SGIP1: variants seen among roughly 807,000 people sequenced by gnomAD.
SGIP1 encodes the protein SH3GL interacting endocytic adaptor 1.
Under a neutral mutation model 107.5 loss-of-function variants are expected in SGIP1, and 38 were observed. The ratio of observed to expected loss-of-function variants is 0.35; its 90% CI spans 0.27 to 0.46. The LOEUF (loss-of-function observed/expected upper bound fraction) is 0.46. Ranked by LOEUF, SGIP1 falls within the 20% of genes least tolerant of loss-of-function variation. SGIP1 has a pLI of 1.00. For missense variants in SGIP1, 929 were observed against 1,019.5 expected (o/e 0.91, Z 1.21); for synonymous variants, 365 against 366.1 (o/e 1.00, Z 0.03).
intron 1 of SGIP1, among the ~76,000 whole-genome samples, chr1:66,591,296 G>T (rs2063577536): frequency 6.6e-6 from 1 of 152,132 alleles, no homozygotes; most frequent in African/African-American, 2.4e-5. Context: ...TCAGATAATT[G>T]TACCTTGTTT....
At position 66,672,742 on chromosome 1, in the gene SGIP1, C is replaced by A. The variant is rs184004312; in HGVS notation, c.561-539C>A. On this transcript the variant is annotated intron_variant, in intron 11 of 24. Coordinates refer to ENST00000371037, the MANE Select transcript of SGIP1 (RefSeq NM_032291.4). ...TCCTGTTCCCCCTGATTTCTCAATA[C>A]TTCTCTTTCTGAGATTTACTATCTT... 6.8e-3 allele frequency among the ~76,000 whole-genome samples: 1,026 copies of A among 151,956 alleles called. 5 individuals are homozygous for A. The highest frequency in any genetic ancestry group is 0.027 in the Middle Eastern group (8 of 294).
chr1:66,643,527 C>T lies in SGIP1; in HGVS notation c.284-17C>T, dbSNP rs1478776928. ...CCCAGTAGAAGAAAGAGTTATGTAT[C>T]TTTAACTGTGTTCTACCTACCAAAG... On this transcript the variant is annotated splice_polypyrimidine_tract_variant and intron_variant, in intron 6 of 24. Transcript: ENST00000371037. The T allele has an allele frequency of 6.3e-7, 1 of 1,597,194 alleles. No homozygotes were observed. The highest frequency in any genetic ancestry group is 8.5e-7 in the Non-Finnish European group (1 of 1,173,566).
intron 19 of SGIP1, among the ~76,000 whole-genome samples, chr1:66,721,797 A>G (rs1450301747): frequency 1.3e-5 from 2 of 152,162 alleles, no homozygotes; most frequent in African/African-American, 2.4e-5. Flanking sequence ...GAATGAATTC[A>G]TCTTTGTCTG....
At chr1:66,643,819 C>G in intron 7 of SGIP1, 100 bp downstream of exon 7, 3 of 1,055,994 alleles carry the variant, frequency 2.8e-6, no homozygotes, top group South Asian at 2.2e-5. Flanking sequence ...TAAATTGAAG[C>G]CTGCATATGG....
chr1:66,741,174 A>T, intron 23 of SGIP1, 98 bp from the exon 24 acceptor site: 1 of 1,258,664 alleles, frequency 7.9e-7, no homozygotes, highest in Non-Finnish European at 1.1e-6. Context: ...TCAAAGAATC[A>T]TGTCTGATTT....
intron 1 of SGIP1, among the ~76,000 whole-genome samples, chr1:66,599,102 T>G (rs917201062): frequency 1.3e-5 from 2 of 152,236 alleles, no homozygotes; most frequent in African/African-American, 4.8e-5. Context: ...GTTATTTTTC[T>G]TTCAATTTAT....
rs1458642835 is a variant in SGIP1, at chr1:66,614,912, C to T, written c.11-10935C>T. On this transcript the variant is annotated intron_variant, in intron 1 of 24. Coordinates refer to ENST00000371037, the MANE Select transcript of SGIP1 (RefSeq NM_032291.4). ...TCAGCTCACCACAACCTCCGGCTCC[C>T]GGGTTCAAGTGATTCTCCTGCCTCA... Among the ~76,000 whole-genome samples the T allele has an allele frequency of 2.0e-5, 3 of 148,520 alleles. No homozygotes were observed. The South Asian group carries it at 6.5e-4, about 32-fold the overall frequency.
chr1:66,664,309 G>T (rs956057366), intron 8 of SGIP1, among the ~76,000 whole-genome samples: 10 of 152,052 alleles, frequency 6.6e-5, no homozygotes, highest in African/African-American at 2.2e-4. Flanking sequence ...GGATTCAATA[G>T]GTAGCAGTAT....
rs1477899813 is a variant in SGIP1 at position 66,589,216 on chromosome 1, A to ATGTGTGTGTGTGTGTGTGTGTGTGTG, written c.11-36628_11-36627insGTGTGTGTGTGTGTGTGTGTGTGTGT. ...TATATATATATATATATATATATAT[A>ATGTGTGTGTGTGTGTGTGTGTGTGTG]TGTAAGGCTTGGGGTAAAGAGAAGG... On this transcript the variant is annotated intron_variant, in intron 1 of 24. Coordinates refer to ENST00000371037, the MANE Select transcript of SGIP1 (RefSeq NM_032291.4). Among the ~76,000 whole-genome samples the ATGTGTGTGTGTGTGTGTGTGTGTGTG allele has an allele frequency of 2.5e-4, 24 of 96,402 alleles. 1 individual carries two copies. The highest frequency in any genetic ancestry group is 3.2e-4 in the Non-Finnish European group (15 of 47,382). 63.2% of individuals were successfully genotyped at this position (96,402 alleles called of 152,430 possible).
rs1050294576 is a variant in SGIP1, at chr1:66,740,530, T to G, written c.2235-128T>G. On this transcript the variant is annotated intron_variant, in intron 22 of 24. Transcript: ENST00000371037. ...GGAGGGGAGAGAGAGAGACAGGGAA[T>G]TTTTAAATTGTAGTGAAAGTTTTCA... The G allele has an allele frequency of 1.6e-5, 11 of 667,842 alleles. No homozygotes were observed. In the African/African-American group the frequency reaches 2.0e-4, roughly 12 times the overall value. The allele number at this position is 667,842 out of a possible 1,614,324, so 41.4% of individuals were successfully genotyped here.
At chr1:66,594,975 T>C (rs1295993471) in intron 1 of SGIP1, among the ~76,000 whole-genome samples, 1 of 152,172 alleles carries the variant, frequency 6.6e-6, no homozygotes, top group East Asian at 1.9e-4. Flanking sequence ...TTCCTGGATG[T>C]GTGTGGAGTC....
intron 18 of SGIP1, among the ~76,000 whole-genome samples, chr1:66,708,045 G>A (rs894364953): frequency 1.3e-5 from 2 of 152,066 alleles, no homozygotes; most frequent in Non-Finnish European, 2.9e-5. Context: ...GCTAGATCTC[G>A]GATCACAACT....
At chr1:66,654,731 G>C (rs898221988) in intron 7 of SGIP1, among the ~76,000 whole-genome samples, 1 of 152,166 alleles carries the variant, frequency 6.6e-6, no homozygotes, top group East Asian at 1.9e-4. Context: ...CAGAATGAAG[G>C]TGATATTTCC....
chr1:66,734,927 C>T (rs1315998), intron 21 of SGIP1, among the ~76,000 whole-genome samples: 150,422 of 152,334 alleles, frequency 0.99, 74,294 homozygotes, highest in Middle Eastern at 1. Flanking sequence ...AACTAACATA[C>T]GTATTACCTC....
At chr1:66,665,600 C>T (rs532792239) in intron 8 of SGIP1, among the ~76,000 whole-genome samples, 3 of 152,250 alleles carry the variant, frequency 2.0e-5, no homozygotes, top group African/African-American at 7.2e-5. Flanking sequence ...AGTGTAAAAA[C>T]ATTCCTATTT....
At chr1:66,731,331 GT>G (rs1309077024) in intron 20 of SGIP1, among the ~76,000 whole-genome samples, 2 of 152,084 alleles carry the variant, frequency 1.3e-5, no homozygotes, top group Admixed American at 6.5e-5. Flanking sequence ...TTGCCAGTTT[GT>G]TTGTAAATAT....
intron 17 of SGIP1, chr1:66,694,574 C>A: frequency 1.6e-6 from 2 of 1,274,244 alleles, no homozygotes; most frequent in South Asian, 3.1e-5. Flanking sequence ...CATCTGAATG[C>A]TATAAACTTC....
intron 18 of SGIP1, among the ~76,000 whole-genome samples, chr1:66,714,361 T>A (rs1333079188): frequency 1.3e-5 from 2 of 152,170 alleles, no homozygotes; most frequent in Non-Finnish European, 2.9e-5. Flanking sequence ...GCTTTACCAC[T>A]CATTTGGTAA....
intron 2 of SGIP1, among the ~76,000 whole-genome samples, chr1:66,626,584 T>C (rs2072850336): frequency 6.6e-6 from 1 of 152,192 alleles, no homozygotes; most frequent in Non-Finnish European, 1.5e-5. Context: ...TCCACTTATT[T>C]GACCATCTTG....
Sources: gnomAD v4.1 joint callset for allele counts (sites outside exome capture counted in the v4.1 genomes callset) on GRCh38, gnomAD v4.1.1 for gene constraint, MANE v1.5 for transcripts, NCBI Gene and HGNC (gene_info 2026-07-23, HGNC 2026-07-21) for gene names.